The following ST8SIA6 variants were observed in gnomAD, a reference collection of about 807,000 sequenced individuals.
ST8SIA6 encodes ST8 alpha-N-acetyl-neuraminide alpha-2,8-sialyltransferase 6.
Under a neutral mutation model 33.6 loss-of-function variants are expected in ST8SIA6, and 39 were observed. The observed-to-expected ratio is 1.16, with a 90% confidence interval of 0.90 to 1.52. ST8SIA6 has a LOEUF of 1.52. Ranked by LOEUF, ST8SIA6 falls within the 40% of genes most tolerant of loss-of-function variation. ST8SIA6 has a pLI of 0.00. For missense variants in ST8SIA6, 441 were observed against 443.8 expected (o/e 0.99, Z 0.06); for synonymous variants, 172 against 167.2 (o/e 1.03, Z -0.22).
rs575234841 is a variant in ST8SIA6 at position 17,389,415 on chromosome 10, G to T, written c.290+1116C>A. On this transcript the variant is annotated intron_variant, in intron 3 of 7. Transcript: ENST00000377602. ...AAGCATAAAGCAAGATGAAACTCGG[G>T]TTATTTCCTTTCAGGGAGGTTACAG... Among the ~76,000 whole-genome samples the T allele has an allele frequency of 4.6e-5, 7 of 152,256 alleles. No individual in the cohort carries two copies. In the South Asian group the frequency reaches 1.5e-3, roughly 32 times the overall value.
At position 17,381,927 on chromosome 10, in the gene ST8SIA6, T is replaced by C. The variant is rs7080532; in HGVS notation, c.290+8604A>G. Among the ~76,000 whole-genome samples, 787 of 152,314 alleles carry C rather than the reference T, an allele frequency of 5.2e-3. 9 individuals are homozygous for C. The highest frequency in any genetic ancestry group is 0.018 in the African/African-American group (751 of 41,564). On this transcript the variant is annotated intron_variant, in intron 3 of 7. Transcript: ENST00000377602. ...TCGTCTTTGTTTCAAAGCTAAACTA[T>C]AAACTAAGTTTTTCCCAAAATTAGC...
chr10:17,445,622 G>C (rs943967777), intron 2 of ST8SIA6, among the ~76,000 whole-genome samples: 1 of 152,218 alleles, frequency 6.6e-6, no homozygotes, highest in African/African-American at 2.4e-5. Flanking sequence ...GAGGCAGAAA[G>C]GGCTGCTTGG....
At chr10:17,346,095 G>A (rs2131602467) in intron 4 of ST8SIA6, among the ~76,000 whole-genome samples, 3 of 152,282 alleles carry the variant, frequency 2.0e-5, no homozygotes, top group Admixed American at 2.0e-4. Context: ...AAGGAATCCA[G>A]CCATTCCCCA....
chr10:17,451,951 G>GT (rs1438940349), intron 2 of ST8SIA6, among the ~76,000 whole-genome samples: 1 of 152,162 alleles, frequency 6.6e-6, no homozygotes, highest in East Asian at 1.9e-4. Flanking sequence ...TAGAAAAGAA[G>GT]TATGTCAAAA....
At chr10:17,322,934 A>G (rs1194386229) in intron 7 of ST8SIA6, 131 bp downstream of exon 7, 1 of 706,018 alleles carries the variant, frequency 1.4e-6, no homozygotes, top group Non-Finnish European at 2.2e-6. Flanking sequence ...GAATTCTTAT[A>G]TATTTTTCCA....
At chr10:17,379,142 AC>A (rs67793769) in intron 3 of ST8SIA6, among the ~76,000 whole-genome samples, 55,314 of 145,674 alleles carry the variant, frequency 0.38, 12,137 homozygotes, top group African/African-American at 0.63. Context: ...AAAAACAAAA[AC>A]AAAAAAAACC....
chr10:17,383,820 T>C (rs1850244586), intron 3 of ST8SIA6, among the ~76,000 whole-genome samples: 1 of 152,246 alleles, frequency 6.6e-6, no homozygotes, highest in Non-Finnish European at 1.5e-5. Context: ...TTGCTTAAAA[T>C]GTTTACTGAT....
chr10:17,382,015 C>G (rs1850167258), intron 3 of ST8SIA6, among the ~76,000 whole-genome samples: 1 of 152,080 alleles, frequency 6.6e-6, no homozygotes, highest in African/African-American at 2.4e-5. Context: ...GGAGTCAAGT[C>G]AAAATTTTTT....
At chr10:17,345,003 G>A (rs554521066) in intron 4 of ST8SIA6, among the ~76,000 whole-genome samples, 2 of 151,486 alleles carry the variant, frequency 1.3e-5, no homozygotes, top group East Asian at 2.0e-4. Context: ...AAAAAAGACA[G>A]AGAACATCCC....
chr10:17,333,696 TATATATATATATATA>T (rs1848386216), intron 4 of ST8SIA6, among the ~76,000 whole-genome samples: 2 of 24,758 alleles, frequency 8.1e-5, no homozygotes, highest in East Asian at 3.6e-3. Context: ...TATATATATA[TATATATATATATATA>T]TATATATTTT....
chr10:17,447,451 A>G (rs1852758512), intron 2 of ST8SIA6, among the ~76,000 whole-genome samples: 1 of 152,116 alleles, frequency 6.6e-6, no homozygotes, highest in South Asian at 2.1e-4. Context: ...AATACAAGGA[A>G]AGCTTTCATG....
chr10:17,377,581 A>C (rs561914431), intron 3 of ST8SIA6, among the ~76,000 whole-genome samples: 1 of 152,348 alleles, frequency 6.6e-6, no homozygotes, highest in East Asian at 1.9e-4. Context: ...GAAACACAGA[A>C]TAAAGAATTA....
At chr10:17,354,772 C>T (rs1347250881) in intron 4 of ST8SIA6, among the ~76,000 whole-genome samples, 2 of 152,100 alleles carry the variant, frequency 1.3e-5, no homozygotes, top group Non-Finnish European at 2.9e-5. Context: ...CTTAGAAATA[C>T]ATTAGTCCAT....
chr10:17,326,161 T>C (rs1019600218), intron 6 of ST8SIA6, among the ~76,000 whole-genome samples: 1 of 152,068 alleles, frequency 6.6e-6, no homozygotes, highest in Non-Finnish European at 1.5e-5. Context: ...GAGATTGAAA[T>C]TGGGAGGGAG....
At chr10:17,321,975 T>C (rs939273666) in intron 7 of ST8SIA6, among the ~76,000 whole-genome samples, 6 of 151,814 alleles carry the variant, frequency 4.0e-5, no homozygotes, top group African/African-American at 1.5e-4. Flanking sequence ...CGGTGGTGCA[T>C]GCCTGTAGTC....
At chr10:17,421,121 A>C (rs1851768798) in intron 2 of ST8SIA6, among the ~76,000 whole-genome samples, 2 of 152,316 alleles carry the variant, frequency 1.3e-5, no homozygotes, top group Non-Finnish European at 1.5e-5. Context: ...GGAGACACAG[A>C]GCCAAAACAT....
At chr10:17,344,197 A>T (rs1028633959) in intron 4 of ST8SIA6, among the ~76,000 whole-genome samples, 1 of 152,256 alleles carries the variant, frequency 6.6e-6, no homozygotes, top group Non-Finnish European at 1.5e-5. Context: ...GAGGGGGAAA[A>T]GTCAAGAAGA....
rs757030159 is a variant in ST8SIA6 at position 17,431,996 on chromosome 10, CAGCCGGA to C, written c.200+21556_200+21562del. ...TAGGAGTGGAGGCTGAAGGGAGAGA[CAGCCGGA>C]AGCCGGAAGCCGAAAACCGGAAGCA... is the stretch of plus-strand genomic sequence containing the variant. On this transcript the variant is annotated intron_variant, in intron 2 of 7. Transcript: ENST00000377602. Among the ~76,000 whole-genome samples the C allele has an allele frequency of 2.1e-3, 323 of 152,272 alleles. 1 individual carries two copies. The highest frequency in any genetic ancestry group is 3.6e-3 in the Non-Finnish European group (246 of 68,016).
intron 2 of ST8SIA6, among the ~76,000 whole-genome samples, chr10:17,452,213 G>C (rs1852938110): frequency 6.6e-6 from 1 of 152,186 alleles, no homozygotes. Flanking sequence ...AGGTCCTAGT[G>C]CCTCTAATAT....
Sources: gnomAD v4.1 joint callset for allele counts (sites outside exome capture counted in the v4.1 genomes callset) on GRCh38, gnomAD v4.1.1 for gene constraint, MANE v1.5 for transcripts, NCBI Gene and HGNC (gene_info 2026-07-23, HGNC 2026-07-21) for gene names.